Variants in RASA2 observed in about 807,000 individuals in gnomAD.
RASA2 encodes RAS p21 protein activator 2.
In RASA2, 155 loss-of-function variants were observed where a neutral mutation model predicts 118.2. The observed-to-expected ratio is 1.31, with a 90% confidence interval of 1.15 to 1.50. RASA2 has a LOEUF of 1.50. Among genes scored for constraint, RASA2 ranks in the 40% most tolerant of loss-of-function variants. The probability of loss-of-function intolerance (pLI) is 0.00; values close to 1 mark genes in which losing one functional copy is unlikely to be tolerated. For missense variants in RASA2, 1,016 were observed against 1,009.6 expected (o/e 1.01, Z -0.09); for synonymous variants, 353 against 349.1 (o/e 1.01, Z -0.12).
At position 141,570,945 on chromosome 3, in the gene RASA2, G is replaced by A. The variant is rs1186328948; in HGVS notation, c.897G>A (p.Lys299=). The A allele has an allele frequency of 1.9e-6, 3 of 1,609,144 alleles. No individual in the cohort carries two copies. Among genetic ancestry groups the A allele is most frequent in the Non-Finnish European group, 8.5e-7 (1 of 1,178,326 alleles). Residue 299 remains lysine (K), a synonymous_variant, in exon 10 of 24, where the codon AAG becomes AAA. Transcript: ENST00000286364. Reference sequence around the variant, plus strand: ...TACAGCCAAGAGACAATGGAAACAAGTCATCCAAAACTGATGACCTGGGGT... The same window carrying A: ...TACAGCCAAGAGACAATGGAAACAAATCATCCAAAACTGATGACCTGGGGT... ...YLLQPRDNGN[K]SSKTDDLGSL...
intron 1 of RASA2, among the ~76,000 whole-genome samples, chr3:141,498,618 G>T (rs1328382230): frequency 1.3e-5 from 2 of 152,074 alleles, no homozygotes; most frequent in Admixed American, 6.5e-5. Flanking sequence ...ATGCTCATGG[G>T]TGTAACTTCT....
chr3:141,563,211 T>A (rs2082764197), intron 9 of RASA2, among the ~76,000 whole-genome samples: 1 of 152,230 alleles, frequency 6.6e-6, no homozygotes, highest in Non-Finnish European at 1.5e-5. Flanking sequence ...TGAATGCTAC[T>A]TTCAGTTAAA....
In RASA2 at chr3:141,555,865, A is replaced by T; in HGVS notation, c.637A>T (p.Lys213Ter). The change falls in exon 7 of 24, where the codon AAG becomes TAG. Residue 213 changes from lysine (K) to a stop codon, truncating the protein, a stop_gained. Coordinates refer to ENST00000286364, the MANE Select transcript of RASA2 (RefSeq NM_006506.5). LOFTEE classifies it high-confidence loss of function. Reference sequence around the variant, plus strand: ...GAATGACCAAAAGAAGACAAAAGTAAAGAAGAAAACAAGCAATCCGCAGTT... The same window carrying T: ...GAATGACCAAAAGAAGACAAAAGTATAGAAGAAAACAAGCAATCCGCAGTT... The part of the protein sequence containing the change: ...SRNDQKKTKV[K>*]KKTSNPQFNE... 1 of 1,612,830 alleles carries T rather than the reference A, an allele frequency of 6.2e-7. No homozygotes were observed. The highest frequency in any genetic ancestry group is 8.5e-7 in the Non-Finnish European group (1 of 1,179,424).
chr3:141,600,282 T>G, intron 19 of RASA2: 2 of 537,646 alleles, frequency 3.7e-6, no homozygotes, highest in Non-Finnish European at 7.6e-6. Context: ...TTTCAGCCCC[T>G]TCTACTGCCT....
chr3:141,500,391 A>G (rs1202685913), intron 1 of RASA2, among the ~76,000 whole-genome samples: 2 of 152,176 alleles, frequency 1.3e-5, no homozygotes, highest in African/African-American at 4.8e-5. Flanking sequence ...TTTCTTGTGT[A>G]AGATTTATTA....
intron 6 of RASA2, among the ~76,000 whole-genome samples, chr3:141,554,681 G>C (rs1331248532): frequency 6.6e-6 from 1 of 152,042 alleles, no homozygotes; most frequent in Non-Finnish European, 1.5e-5. Context: ...AGAATCTCTA[G>C]TTATTCTTAC....
At chr3:141,515,481 G>GATCC (rs1338069646) in intron 2 of RASA2, among the ~76,000 whole-genome samples, 1 of 152,112 alleles carries the variant, frequency 6.6e-6, no homozygotes, top group Non-Finnish European at 1.5e-5. Flanking sequence ...TGGCAACTTA[G>GATCC]ATCCCTTCAG....
intron 1 of RASA2, among the ~76,000 whole-genome samples, chr3:141,492,069 G>A (rs1237169840): frequency 6.6e-6 from 1 of 152,214 alleles, no homozygotes; most frequent in Non-Finnish European, 1.5e-5. Context: ...GGGGAGAAAA[G>A]GGTTCTTTGT....
chr3:141,563,758 A>G (rs2082773481), intron 9 of RASA2, among the ~76,000 whole-genome samples: 1 of 152,184 alleles, frequency 6.6e-6, no homozygotes, highest in Admixed American at 6.5e-5. Flanking sequence ...TTTGACCCCA[A>G]AGTTTGTGCT....
At chr3:141,511,994 A>G (rs966962477) in intron 1 of RASA2, among the ~76,000 whole-genome samples, 169 bp from the exon 2 acceptor site, 7 of 151,938 alleles carry the variant, frequency 4.6e-5, no homozygotes, top group African/African-American at 1.7e-4. Context: ...CCCTCCCTTC[A>G]GTCTTAACAA....
chr3:141,545,854 C>T (rs1387799979), intron 5 of RASA2, among the ~76,000 whole-genome samples: 1 of 151,434 alleles, frequency 6.6e-6, no homozygotes, highest in Non-Finnish European at 1.5e-5. Flanking sequence ...ATTTTTGTAC[C>T]CTCACTTCCC....
At chr3:141,489,193 A>G (rs541009788) in intron 1 of RASA2, among the ~76,000 whole-genome samples, 2 of 152,138 alleles carry the variant, frequency 1.3e-5, no homozygotes, top group Non-Finnish European at 2.9e-5. Flanking sequence ...TAAATTGCTT[A>G]TCTTATAGCT....
intron 23 of RASA2, 31 bp from the exon 24 acceptor site, chr3:141,612,252 A>C: frequency 2.0e-6 from 3 of 1,519,656 alleles, no homozygotes; most frequent in Non-Finnish European, 2.7e-6. Flanking sequence ...TATTTCTTAA[A>C]TTTTGAAAAA....
chr3:141,609,116 T>C (rs924202217), intron 21 of RASA2, among the ~76,000 whole-genome samples: 1 of 152,206 alleles, frequency 6.6e-6, no homozygotes, highest in African/African-American at 2.4e-5. Context: ...AGCATTCTCT[T>C]TCTAATTGTA....
At chr3:141,569,396 T>C (rs1222318358) in intron 9 of RASA2, among the ~76,000 whole-genome samples, 1 of 152,202 alleles carries the variant, frequency 6.6e-6, no homozygotes, top group Non-Finnish European at 1.5e-5. Context: ...TTCTGAAGTT[T>C]TAATGACCAA....
chr3:141,545,467 T>C (rs2082470884), intron 5 of RASA2, among the ~76,000 whole-genome samples: 1 of 146,752 alleles, frequency 6.8e-6, no homozygotes, highest in Non-Finnish European at 1.5e-5. Flanking sequence ...CATACTTTTT[T>C]TTTTTTTTTT....
intron 1 of RASA2, among the ~76,000 whole-genome samples, chr3:141,493,888 A>T (rs1472738479): frequency 1.3e-5 from 2 of 152,342 alleles, no homozygotes; most frequent in East Asian, 3.9e-4. Flanking sequence ...GCACTAATAT[A>T]TTCCTTCCAC....
chr3:141,515,352 G>A (rs139006369), intron 2 of RASA2, among the ~76,000 whole-genome samples: 2 of 152,166 alleles, frequency 1.3e-5, no homozygotes, highest in Non-Finnish European at 2.9e-5. Context: ...GACAAGGATG[G>A]TATGAATGAC....
chr3:141,542,199 C>T (rs1456028973), intron 5 of RASA2, among the ~76,000 whole-genome samples: 1 of 152,110 alleles, frequency 6.6e-6, no homozygotes, highest in African/African-American at 2.4e-5. Context: ...TCTCCCCACA[C>T]CCAGCTCCAA....
Sources: gnomAD v4.1 joint callset for allele counts (sites outside exome capture counted in the v4.1 genomes callset) on GRCh38, gnomAD v4.1.1 for gene constraint, MANE v1.5 for transcripts, NCBI Gene and HGNC (gene_info 2026-07-23, HGNC 2026-07-21) for gene names.